The following DLC1 variants were observed in gnomAD, a reference collection of about 807,000 sequenced individuals.
DLC1 encodes the protein DLC1 Rho GTPase activating protein.
DLC1 carries 54 observed loss-of-function variants against 140.3 expected under a neutral mutation model. The ratio of observed to expected loss-of-function variants is 0.38; its 90% confidence interval spans 0.31 to 0.48. DLC1 has a LOEUF of 0.48. DLC1 is among the 20% of genes least tolerant of loss of function. DLC1 has a pLI of 0.96. For missense variants in DLC1, 2,536 were observed against 1,907.0 expected (o/e 1.33, Z -6.14); for synonymous variants, 986 against 728.1 (o/e 1.35, Z -5.70).
At chr8:13,329,161 A>G (rs1479451870) in intron 4 of DLC1, among the ~76,000 whole-genome samples, 1 of 152,202 alleles carries the variant, frequency 6.6e-6, no homozygotes, top group Non-Finnish European at 1.5e-5. Context: ...GTGGCTCATC[A>G]CAGTCTAGAT....
chr8:13,109,746 G>A (rs560308254), intron 7 of DLC1, among the ~76,000 whole-genome samples: 6 of 151,746 alleles, frequency 4.0e-5, no homozygotes, highest in Non-Finnish European at 7.4e-5. Flanking sequence ...TTAGCTGGGC[G>A]TGATGGTGGG....
chr8:13,351,650 G>A (rs1309590779), intron 4 of DLC1, among the ~76,000 whole-genome samples: 3 of 152,178 alleles, frequency 2.0e-5, no homozygotes, highest in Non-Finnish European at 4.4e-5. Context: ...TGTGACGTCT[G>A]CACTACAACA....
intron 5 of DLC1, among the ~76,000 whole-genome samples, chr8:13,296,467 A>T (rs73560587): frequency 0.12 from 18,320 of 152,222 alleles, 1,230 homozygotes; most frequent in South Asian, 0.17. Context: ...CATGCTGCTG[A>T]TAGCCATTCT....
At position 13,104,729 on chromosome 8, in the gene DLC1, G is replaced by C. The variant is rs149957473; in HGVS notation, c.1503-1876C>G. Among the ~76,000 whole-genome samples the C allele has an allele frequency of 2.5e-3, 377 of 152,292 alleles. 3 individuals are homozygous for C. The highest frequency in any genetic ancestry group is 8.3e-3 in the African/African-American group (344 of 41,550). ...AACAGAATAGAAAGCATTTTTGCCT[G>C]CCTGATAAGCCCGATTTTGCCTTCA... On this transcript the variant is annotated intron_variant, in intron 7 of 17. Transcript: ENST00000276297.
chr8:13,587,846 C>T (rs1805383783), intron 1 of DLC1, among the ~76,000 whole-genome samples: 1 of 144,662 alleles, frequency 6.9e-6, no homozygotes, highest in Non-Finnish European at 1.6e-5. Context: ...TAAATTTCTC[C>T]TGTATCATAT....
intron 8 of DLC1, among the ~76,000 whole-genome samples, chr8:13,101,522 C>G (rs1395923831): frequency 6.6e-6 from 1 of 152,136 alleles, no homozygotes; most frequent in African/African-American, 2.4e-5. Context: ...AGAGTGGCAA[C>G]TTAAATCTCT....
chr8:13,404,591 TG>T (rs1242851567), intron 2 of DLC1, among the ~76,000 whole-genome samples: 1 of 152,172 alleles, frequency 6.6e-6, no homozygotes, highest in Admixed American at 6.5e-5. Context: ...TCCTTAATAT[TG>T]GAAGGAATTC....
At chr8:13,537,388 C>T (rs1304627185) in intron 1 of DLC1, among the ~76,000 whole-genome samples, 1 of 152,114 alleles carries the variant, frequency 6.6e-6, no homozygotes, top group African/African-American at 2.4e-5. Context: ...AGTGTTCTTT[C>T]ATGATTTCTG....
intron 5 of DLC1, among the ~76,000 whole-genome samples, chr8:13,143,813 TGAGAGAGAGAGA>T (rs35079610): frequency 4.1e-4 from 53 of 128,716 alleles, no homozygotes; most frequent in East Asian, 3.6e-3. Context: ...AATGAAAAGC[TGAGAGAGAGAGA>T]GAGAGAGAGA....
rs1412930823 is a variant in DLC1 at position 13,497,365 on chromosome 8, G to A, written c.1023+1684C>T. Among the ~76,000 whole-genome samples the A allele has an allele frequency of 3.3e-5, 5 of 152,128 alleles. No individual in the cohort carries two copies. In the East Asian group the frequency reaches 9.6e-4, roughly 29 times the overall value. ...TCTAGGATAAATTCCCAACCTAAAAGTTTTCATTTAATCTATTTATTAGAA... is the reference window on the plus strand; with the variant it reads ...TCTAGGATAAATTCCCAACCTAAAAATTTTCATTTAATCTATTTATTAGAA... On this transcript the variant is annotated intron_variant, in intron 2 of 17. Coordinates refer to ENST00000276297, the MANE Select transcript of DLC1 (RefSeq NM_182643.3).
chr8:13,342,109 G>A (rs1002988504), intron 4 of DLC1: 2 of 152,156 alleles, frequency 1.3e-5, no homozygotes, highest in Non-Finnish European at 2.9e-5. Flanking sequence ...TTCTGATCTT[G>A]AAGAATCTAA....
intron 2 of DLC1, among the ~76,000 whole-genome samples, chr8:13,412,106 A>G (rs1477524040): frequency 6.6e-6 from 1 of 152,248 alleles, no homozygotes; most frequent in Non-Finnish European, 1.5e-5. Context: ...ACGACAATGA[A>G]TGAAGCAGTT....
At chr8:13,596,944 G>T (rs1022003767) in intron 1 of DLC1, among the ~76,000 whole-genome samples, 2 of 151,668 alleles carry the variant, frequency 1.3e-5, no homozygotes, top group African/African-American at 4.8e-5. Context: ...TCAGAACTCT[G>T]GAAGTTCTTG....
chr8:13,314,698 A>T (rs1272094698), intron 4 of DLC1, among the ~76,000 whole-genome samples: 2 of 152,242 alleles, frequency 1.3e-5, no homozygotes, highest in African/African-American at 4.8e-5. Context: ...GTAGAAGCTC[A>T]AAACATAAAC....
Position 13,474,345 on chromosome 8 carries a change from T to C in DLC1, c.1023+24704A>G, listed in dbSNP as rs559075323. On this transcript the variant is annotated intron_variant, in intron 2 of 17. Coordinates refer to ENST00000276297, the MANE Select transcript of DLC1 (RefSeq NM_182643.3). Reference sequence around the variant, plus strand: ...AAACCTCTGCCTAGATTTCAGAGGATGTATGGAAACACCTGGATGTCCAGG... The same window carrying C: ...AAACCTCTGCCTAGATTTCAGAGGACGTATGGAAACACCTGGATGTCCAGG... Among the ~76,000 whole-genome samples, 9 of 152,298 alleles carry C rather than the reference T, an allele frequency of 5.9e-5. No homozygotes were observed. The South Asian group carries it at 1.9e-3, about 32-fold the overall frequency.
intron 5 of DLC1, among the ~76,000 whole-genome samples, chr8:13,189,684 A>G (rs1826630961): frequency 6.6e-6 from 1 of 152,150 alleles, no homozygotes. Flanking sequence ...GGAGTTTGAG[A>G]CCATCCTGGC....
intron 2 of DLC1, among the ~76,000 whole-genome samples, chr8:13,460,883 C>G (rs1243955324): frequency 1.3e-5 from 2 of 152,136 alleles, no homozygotes; most frequent in African/African-American, 2.4e-5. Context: ...GCTTATTTCA[C>G]AGTGTGAGGG....
intron 5 of DLC1, among the ~76,000 whole-genome samples, chr8:13,182,752 C>A (rs1278568399): frequency 4.6e-5 from 7 of 152,084 alleles, no homozygotes; most frequent in Admixed American, 4.6e-4. Flanking sequence ...AGTCAGGCAG[C>A]GTGATGCCTC....
At chr8:13,277,948 A>G (rs927283377) in intron 5 of DLC1, among the ~76,000 whole-genome samples, 2 of 152,240 alleles carry the variant, frequency 1.3e-5, no homozygotes, top group Non-Finnish European at 2.9e-5. Flanking sequence ...ATTTTCACAT[A>G]TATCTTTAAC....
Sources: gnomAD v4.1 joint callset for allele counts (sites outside exome capture counted in the v4.1 genomes callset) on GRCh38, gnomAD v4.1.1 for gene constraint, MANE v1.5 for transcripts, NCBI Gene and HGNC (gene_info 2026-07-23, HGNC 2026-07-21) for gene names.